STX6: variants seen among roughly 807,000 people sequenced by gnomAD.
The protein encoded by STX6 is syntaxin-6.
In STX6, 23 loss-of-function variants were observed where a neutral mutation model predicts 38.0. The observed-to-expected ratio is 0.60, with a 90% CI of 0.43 to 0.86. The LOEUF (loss-of-function observed/expected upper bound fraction) is 0.86, where lower values mean the gene tolerates loss of function less well. STX6 is among the 40% of genes least tolerant of loss of function. The pLI is 0.00. For missense variants in STX6, 274 were observed against 312.9 expected, an observed-to-expected ratio of 0.88 and a Z score of 0.94; for synonymous variants, 123 against 107.5, an observed-to-expected ratio of 1.14 and a Z score of -0.89.
chr1:181,022,028 A>C (rs577360944), intron 1 of STX6, among the ~76,000 whole-genome samples: 2 of 152,066 alleles, frequency 1.3e-5, no homozygotes, highest in Non-Finnish European at 2.9e-5. Flanking sequence ...CTCTCCTCAC[A>C]TTACTCAGTA....
rs545480802 is a variant in STX6, at chr1:180,984,749, C to T, written c.619G>A (p.Glu207Lys). ...AGCCGGGACTGAGTGCTCTCCAATT[C>T]GTGAGAGAAATCTTCCAACATACTA... is the stretch of plus-strand genomic sequence containing the variant. Reference protein sequence around the residue: ...QAVMLEDFSHELESTQSRLDN... With the variant: ...QAVMLEDFSHKLESTQSRLDN... Residue 207 changes from glutamate (E) to lysine (K), a missense_variant, in exon 7 of 8, where the codon GAA becomes AAA. Physicochemically the swap from Glu to Lys is moderately conservative, Grantham distance 56 (BLOSUM62 1). Coordinates refer to ENST00000258301, the MANE Select transcript of STX6 (RefSeq NM_005819.6). The T allele has an allele frequency of 2.2e-5, 35 of 1,588,306 alleles. No homozygotes were observed. The highest frequency in any genetic ancestry group is 1.1e-4 in the African/African-American group (8 of 74,454).
At chr1:180,983,588 C>T (rs1449458257) in intron 7 of STX6, among the ~76,000 whole-genome samples, 1 of 151,948 alleles carries the variant, frequency 6.6e-6, no homozygotes, top group East Asian at 1.9e-4. Flanking sequence ...TTAAACATAA[C>T]AATTTAAAAT....
Position 180,993,380 on chromosome 1 carries a change from C to G in STX6, c.346G>C (p.Glu116Gln). 1 of 1,587,854 alleles carries G rather than the reference C, an allele frequency of 6.3e-7. No homozygotes were observed. The highest frequency in any genetic ancestry group is 2.2e-5 in the East Asian group (1 of 44,750). The part of the protein sequence containing the change: ...MSTSSVQALA[E>Q]RKNRQALLGD... Reference sequence around the variant, plus strand: ...TTTCTCACCTGTCTATTTTTTCTTTCAGCTAATGCCTGCACAGATGAAGTT... The same window carrying G: ...TTTCTCACCTGTCTATTTTTTCTTTGAGCTAATGCCTGCACAGATGAAGTT... The change falls in exon 4 of 8, where the codon GAA (glutamate) becomes CAA (glutamine). Residue 116 changes from glutamate to glutamine, a missense_variant. Transcript: ENST00000258301.
At chr1:181,003,142 T>C (rs932592323) in intron 2 of STX6, among the ~76,000 whole-genome samples, 1 of 152,260 alleles carries the variant, frequency 6.6e-6, no homozygotes, top group African/African-American at 2.4e-5. Context: ...TCGGGCCTTC[T>C]TCAGAGAAGC....
At chr1:181,001,928 C>T (rs1656091209) in intron 3 of STX6, among the ~76,000 whole-genome samples, 1 of 152,132 alleles carries the variant, frequency 6.6e-6, no homozygotes. Flanking sequence ...CCAGTAATCC[C>T]AGTACTTTGA....
intron 6 of STX6, among the ~76,000 whole-genome samples, chr1:180,985,127 C>G (rs1218591260): frequency 7.4e-6 from 1 of 134,812 alleles, no homozygotes; most frequent in Non-Finnish European, 1.6e-5. Flanking sequence ...GTAACATGAG[C>G]TTGCGGCAAA....
intron 7 of STX6, among the ~76,000 whole-genome samples, chr1:180,982,827 C>T (rs1022008719): frequency 2.6e-4 from 40 of 152,180 alleles, no homozygotes; most frequent in African/African-American, 9.7e-4. Flanking sequence ...ACTTTGCAAA[C>T]CTTTCTCTAA....
chr1:181,011,315 T>C (rs576599645), intron 1 of STX6, among the ~76,000 whole-genome samples: 2 of 152,276 alleles, frequency 1.3e-5, no homozygotes, highest in East Asian at 3.9e-4. Flanking sequence ...GGGAATCCCA[T>C]CTCAATAGCA....
intron 4 of STX6, among the ~76,000 whole-genome samples, chr1:180,990,694 C>T (rs1310034008): frequency 6.6e-6 from 1 of 152,164 alleles, no homozygotes; most frequent in Admixed American, 6.5e-5. Flanking sequence ...CAGATGACAA[C>T]TGGGGGTTAC....
At chr1:181,004,967 T>G (rs574208040) in intron 2 of STX6, among the ~76,000 whole-genome samples, 7 of 137,808 alleles carry the variant, frequency 5.1e-5, no homozygotes, top group African/African-American at 1.1e-4. Flanking sequence ...AAAAAAAGGG[T>G]TTTTTTTTTT....
intron 3 of STX6, among the ~76,000 whole-genome samples, chr1:181,002,321 T>C (rs947683072): frequency 3.3e-5 from 5 of 152,024 alleles, no homozygotes; most frequent in Non-Finnish European, 5.9e-5. Context: ...AGCTAATTTT[T>C]ATATTTTTTT....
chr1:180,973,821 C>T lies in STX6; in HGVS notation c.*2749G>A, dbSNP rs1305192019. On this transcript the variant is annotated 3_prime_UTR_variant, in exon 8 of 8. Transcript: ENST00000258301. ...ACTCAGTAGTTCACTCCCTCCCACCCCTCAAATCATTTAAGTAAAATGTTC... is the reference window on the plus strand; with the variant it reads ...ACTCAGTAGTTCACTCCCTCCCACCTCTCAAATCATTTAAGTAAAATGTTC... 3 of 152,224 alleles carry T rather than the reference C, an allele frequency of 2.0e-5. No homozygotes were observed. Among genetic ancestry groups the T allele is most frequent in the Admixed American group, 1.3e-4 (2 of 15,284 alleles). The allele number at this position is 152,224 out of a possible 1,614,324, so 9.4% of individuals were successfully genotyped here.
intron 1 of STX6, among the ~76,000 whole-genome samples, chr1:181,006,092 T>C (rs984319745): frequency 2.0e-5 from 3 of 152,164 alleles, no homozygotes; most frequent in African/African-American, 7.2e-5. Flanking sequence ...AGAGGGAGTC[T>C]TACTCTTTTG....
chr1:180,980,432 T>C (rs1055122664), intron 7 of STX6: 2 of 151,890 alleles, frequency 1.3e-5, no homozygotes, highest in African/African-American at 4.8e-5. Context: ...GGTAGACAGG[T>C]TGGCAGTTTC....
At chr1:181,001,219 C>A (rs939368335) in intron 3 of STX6, among the ~76,000 whole-genome samples, 4 of 152,190 alleles carry the variant, frequency 2.6e-5, no homozygotes, top group African/African-American at 4.8e-5. Context: ...TTGGCAAACA[C>A]AAACTAAGGT....
intron 7 of STX6, among the ~76,000 whole-genome samples, chr1:180,983,318 A>T (rs1655467368): frequency 6.6e-6 from 1 of 152,250 alleles, no homozygotes; most frequent in Admixed American, 6.5e-5. Context: ...AAAAGGTGTC[A>T]AGAAACAGGG....
chr1:180,978,468 C>A (rs1655313063), intron 7 of STX6, among the ~76,000 whole-genome samples: 1 of 152,150 alleles, frequency 6.6e-6, no homozygotes, highest in Non-Finnish European at 1.5e-5. Flanking sequence ...AAAAACACTC[C>A]AGGTGGACCC....
chr1:181,022,257 C>T (rs1656753372), intron 1 of STX6, among the ~76,000 whole-genome samples: 1 of 152,182 alleles, frequency 6.6e-6, no homozygotes, highest in African/African-American at 2.4e-5. Flanking sequence ...TTTTCCTGCC[C>T]AGATGCTGTT....
chr1:181,014,150 C>G (rs750568028), intron 1 of STX6, among the ~76,000 whole-genome samples: 1 of 152,184 alleles, frequency 6.6e-6, no homozygotes, highest in African/African-American at 2.4e-5. Flanking sequence ...GTAATCCCAG[C>G]ACTTTGGGAA....
Sources: allele counts gnomAD v4.1 joint callset (sites outside exome capture counted in the v4.1 genomes callset), GRCh38; gene constraint gnomAD v4.1.1; transcripts MANE v1.5; gene names NCBI Gene and HGNC (gene_info 2026-07-23, HGNC 2026-07-21).